RNF149: variants seen among roughly 807,000 people sequenced by gnomAD.
RNF149 encodes the protein E3 ubiquitin-protein ligase RNF149.
Under a neutral mutation model 39.0 loss-of-function variants are expected in RNF149, and 21 were observed. The ratio of observed to expected loss-of-function variants is 0.54; its 90% CI spans 0.38 to 0.77. The LOEUF (loss-of-function observed/expected upper bound fraction) is 0.77. RNF149 is among the 30% of genes least tolerant of loss of function. The probability of loss-of-function intolerance (pLI) is 0.00; values close to 1 mark genes in which losing one functional copy is unlikely to be tolerated. For synonymous variants in RNF149, 209 were observed against 213.6 expected (o/e 0.98, Z 0.19); for missense variants, 493 against 534.9 (o/e 0.92, Z 0.77).
chr2:101,276,640 T>C lies in RNF149; in HGVS notation c.*598A>G, dbSNP rs1432676441. ...GAGGCAATAAAGGGAAAAATGCAAA[T>C]CCTAAAGTCATCTAGTGCCTTTCTC... On this transcript the variant is annotated 3_prime_UTR_variant, in exon 7 of 7. Coordinates refer to ENST00000295317, the MANE Select transcript of RNF149 (RefSeq NM_173647.4). 1.0e-6 allele frequency: 1 copy of C among 985,498 alleles called. No individual in the cohort carries two copies. The highest frequency in any genetic ancestry group is 1.2e-6 in the Non-Finnish European group (1 of 829,910). The allele number at this position is 985,498 out of a possible 1,614,324, so 61.0% of individuals were successfully genotyped here. A position where few individuals can be genotyped will look rare whatever the true frequency, so the allele number is the denominator to read the frequency against.
At chr2:101,304,024 G>A (rs1253578640) in intron 1 of RNF149, among the ~76,000 whole-genome samples, 1 of 152,166 alleles carries the variant, frequency 6.6e-6, no homozygotes, top group Non-Finnish European at 1.5e-5. Context: ...TCCTGTAAAA[G>A]CTTTTGTTGT....
At chr2:101,307,878 G>A (rs1408950084) in intron 1 of RNF149, 2 of 985,280 alleles carry the variant, frequency 2.0e-6, no homozygotes, top group South Asian at 4.7e-5. Context: ...GGATTTTAAC[G>A]TCTTTAGTAC....
chr2:101,294,371 T>C lies in RNF149; in HGVS notation c.712-289A>G, dbSNP rs1007133501. 1.0e-5 allele frequency: 3 copies of C among 289,936 alleles called. No individual in the cohort carries two copies. In the Admixed American group the frequency reaches 1.5e-4, roughly 14 times the overall value. 18.0% of individuals were successfully genotyped at this position (289,936 alleles called of 1,614,324 possible). A position where few individuals can be genotyped will look rare whatever the true frequency, so the allele number is the denominator to read the frequency against. ...CCAAGAGTACTGATTTTAATTTGTC[T>C]GAAGAAGCAACCACTTCTTATGCTT... On this transcript the variant is annotated intron_variant, in intron 2 of 6. Coordinates refer to ENST00000295317, the MANE Select transcript of RNF149 (RefSeq NM_173647.4).
chr2:101,303,989 T>C (rs1683559932), intron 1 of RNF149, among the ~76,000 whole-genome samples: 1 of 152,210 alleles, frequency 6.6e-6, no homozygotes, highest in Non-Finnish European at 1.5e-5. Flanking sequence ...TTAACAAACA[T>C]ATGTATGTTA....
chr2:101,303,363 G>A (rs1312383453), intron 1 of RNF149, among the ~76,000 whole-genome samples: 5 of 150,972 alleles, frequency 3.3e-5, no homozygotes, highest in South Asian at 2.1e-4. Flanking sequence ...CTGACCTCAC[G>A]TGATCCACCC....
At chr2:101,272,832 G>T, downstream of RNF149, 1 of 699,204 alleles carries the variant, frequency 1.4e-6, no homozygotes, top group Non-Finnish European at 2.2e-6. Flanking sequence ...CAGTATATGG[G>T]GACAATCACC....
At chr2:101,294,121 T>A in intron 2 of RNF149, 39 bp from the exon 3 acceptor site, 1 of 1,099,076 alleles carries the variant, frequency 9.1e-7, no homozygotes, top group Non-Finnish European at 1.4e-6. Flanking sequence ...TTGAAAAATT[T>A]AAATTAAATC....
At chr2:101,294,853 G>A (rs997778204) in intron 2 of RNF149, 78 bp downstream of exon 2, 1 of 1,168,932 alleles carries the variant, frequency 8.6e-7, no homozygotes, top group South Asian at 1.5e-5. Context: ...ATGGTCAAAT[G>A]TAACTTCTAG....
intron 4 of RNF149, chr2:101,286,395 G>T: frequency 2.4e-6 from 1 of 410,994 alleles, no homozygotes; most frequent in Non-Finnish European, 4.4e-6. Context: ...CAAAAACCAT[G>T]GCTTATTTAT....
chr2:101,282,041 A>G lies in RNF149; in HGVS notation c.977T>C (p.Val326Ala), dbSNP rs767539886. 3 of 1,613,910 alleles carry G rather than the reference A, an allele frequency of 1.9e-6. No individual in the cohort carries two copies. The highest frequency in any genetic ancestry group is 2.2e-5 in the South Asian group (2 of 91,078). The stretch of plus-strand genomic sequence containing the variant: ...AGATTCTGGAGCAGGCATCTCCTGT[A>G]CATCCCCAGGCTCTCCCTTGAGAAT... The part of the protein sequence containing the change: ...ALGYWGEPGD[V>A]QEMPAPESPP... Residue 326 changes from valine (V) to alanine (A), a missense_variant, in exon 6 of 7, where the codon GTA becomes GCA. Coordinates refer to ENST00000295317, the MANE Select transcript of RNF149 (RefSeq NM_173647.4).
downstream of RNF149, among the ~76,000 whole-genome samples, chr2:101,274,267 A>C (rs1162962223): frequency 1.3e-5 from 2 of 152,164 alleles, no homozygotes; most frequent in Admixed American, 1.3e-4. Flanking sequence ...AAAAACTGGG[A>C]AACGTTCACG....
In RNF149 at chr2:101,288,957, T is replaced by C. The variant is rs577114259; in HGVS notation, c.863+16A>G. The stretch of plus-strand genomic sequence containing the variant: ...TCAAGTAATTTTTAACATCTCAATA[T>C]GTAAAAAGAACATACTTGCATGGCA... On this transcript the variant is annotated intron_variant, in intron 4 of 6. Transcript: ENST00000295317. 3.1e-6 allele frequency: 4 copies of C among 1,308,204 alleles called. No homozygotes were observed. Among genetic ancestry groups the C allele is most frequent in the South Asian group, 2.5e-5 (2 of 80,866 alleles). 81.0% of individuals were successfully genotyped at this position (1,308,204 alleles called of 1,614,324 possible).
intron 1 of RNF149, among the ~76,000 whole-genome samples, chr2:101,304,132 G>A (rs1029159264): frequency 1.3e-5 from 2 of 152,074 alleles, no homozygotes; most frequent in African/African-American, 4.8e-5. Flanking sequence ...GACAGGTGTG[G>A]TGGCTTACAC....
chr2:101,286,287 C>A, intron 4 of RNF149, 110 bp from the exon 5 acceptor site: 1 of 613,760 alleles, frequency 1.6e-6, no homozygotes, highest in Non-Finnish European at 2.9e-6. Context: ...TAGCTGATGT[C>A]AAATAAACAT....
chr2:101,287,039 C>T (rs1018542445), intron 4 of RNF149, among the ~76,000 whole-genome samples: 21 of 152,270 alleles, frequency 1.4e-4, no homozygotes, highest in African/African-American at 3.8e-4. Context: ...ACAGTACTCG[C>T]GGCCGGGCAT....
chr2:101,295,559 G>A (rs1199907480), intron 1 of RNF149, among the ~76,000 whole-genome samples: 1 of 151,568 alleles, frequency 6.6e-6, no homozygotes, highest in Admixed American at 6.6e-5. Flanking sequence ...TACTTGGGAG[G>A]CTGCAGCAGG....
rs549337585 is a variant in RNF149, at chr2:101,291,875, A to G, written c.780+2139T>C. Among the ~76,000 whole-genome samples, 4 of 152,312 alleles carry G rather than the reference A, an allele frequency of 2.6e-5. No individual in the cohort carries two copies. The East Asian group carries it at 5.8e-4, about 22-fold the overall frequency. On this transcript the variant is annotated intron_variant, in intron 3 of 6. Transcript: ENST00000295317. ...GTTTAAAATGTAAAACTGCAAGAAAATCCATGTACAGCTGCTCTTCAGCTT... is the reference window on the plus strand; with the variant it reads ...GTTTAAAATGTAAAACTGCAAGAAAGTCCATGTACAGCTGCTCTTCAGCTT...
intron 4 of RNF149, among the ~76,000 whole-genome samples, chr2:101,288,551 A>C (rs1296326493): frequency 2.0e-5 from 3 of 152,116 alleles, no homozygotes; most frequent in East Asian, 1.9e-4. Flanking sequence ...CTCAGAAGGA[A>C]CGCAAGCCCA....
rs1380016685 is a variant in RNF149, at chr2:101,276,347, T to C, written c.*891A>G. 1 of 985,698 alleles carries C rather than the reference T, an allele frequency of 1.0e-6. No individual in the cohort carries two copies. Among genetic ancestry groups the C allele is most frequent in the Non-Finnish European group, 1.2e-6 (1 of 829,926 alleles). The allele number at this position is 985,698 out of a possible 1,614,324, so 61.1% of individuals were successfully genotyped here. ...AAAAAGAAGAAACGGTTAAGCAAGGTCATGGTATTAAATCTGCTTAAACTC... is the reference window on the plus strand; with the variant it reads ...AAAAAGAAGAAACGGTTAAGCAAGGCCATGGTATTAAATCTGCTTAAACTC... On this transcript the variant is annotated 3_prime_UTR_variant, in exon 7 of 7. Coordinates refer to ENST00000295317, the MANE Select transcript of RNF149 (RefSeq NM_173647.4).
Sources: allele counts gnomAD v4.1 joint callset (sites outside exome capture counted in the v4.1 genomes callset), GRCh38; gene constraint gnomAD v4.1.1; transcripts MANE v1.5; gene names NCBI Gene and HGNC (gene_info 2026-07-23, HGNC 2026-07-21).